LYST: variants seen among roughly 807,000 people sequenced by gnomAD.
LYST encodes the protein lysosomal trafficking regulator.
In LYST, 192 loss-of-function variants were observed where a neutral mutation model predicts 413.6. The ratio of observed to expected loss-of-function variants is 0.46; its 90% CI spans 0.41 to 0.52. The LOEUF (loss-of-function observed/expected upper bound fraction) is 0.52. Among genes scored for constraint, LYST ranks in the 20% least tolerant of loss-of-function variants. The pLI is 0.00. For synonymous variants in LYST, 1,525 were observed against 1,567.3 expected, an observed-to-expected ratio of 0.97 and a Z score of 0.64; for missense variants, 3,815 against 4,499.9, an observed-to-expected ratio of 0.85 and a Z score of 4.35.
chr1:235,803,087 G>C (rs760122503), intron 7 of LYST, 23 bp from the exon 8 acceptor site: 2 of 1,596,170 alleles, frequency 1.3e-6, no homozygotes, highest in Non-Finnish European at 1.7e-6. Context: ...GTAATTCAAA[G>C]GTTGTAACAT....
chr1:235,852,087 G>A (rs1678607063), intron 1 of LYST, among the ~76,000 whole-genome samples: 1 of 152,160 alleles, frequency 6.6e-6, no homozygotes, highest in South Asian at 2.1e-4. Context: ...GTGCATTAAG[G>A]AGCATCTGAC....
At chr1:235,693,545 G>T (rs1572011944) in intron 46 of LYST, 59 bp from the exon 47 acceptor site, 11 of 1,603,402 alleles carry the variant, frequency 6.9e-6, no homozygotes, top group Non-Finnish European at 9.4e-6. Context: ...TTACATGACA[G>T]CCCAAAACTG....
chr1:235,788,678 G>T, intron 13 of LYST, 23 bp downstream of exon 13: 2 of 1,608,550 alleles, frequency 1.2e-6, no homozygotes, highest in South Asian at 2.2e-5. Flanking sequence ...ATCTATTCAT[G>T]GGAGGCTGAG....
intron 1 of LYST, among the ~76,000 whole-genome samples, chr1:235,855,809 C>G (rs1373078634): frequency 6.6e-6 from 1 of 152,040 alleles, no homozygotes; most frequent in Non-Finnish European, 1.5e-5. Flanking sequence ...ATAGATAGCA[C>G]GTTTCCTCTT....
chr1:235,837,240 G>C (rs1222674915), intron 1 of LYST, among the ~76,000 whole-genome samples: 3 of 152,338 alleles, frequency 2.0e-5, no homozygotes. Context: ...GGAACAGCAA[G>C]TGAGGCAGGA....
At chr1:235,791,117 C>T (rs1670930877) in intron 12 of LYST, among the ~76,000 whole-genome samples, 1 of 152,096 alleles carries the variant, frequency 6.6e-6, no homozygotes, top group Non-Finnish European at 1.5e-5. Context: ...AACACCATCG[C>T]TACTAAAAAT....
At chr1:235,714,097 C>T (rs1466716597) in intron 42 of LYST, among the ~76,000 whole-genome samples, 2 of 152,082 alleles carry the variant, frequency 1.3e-5, no homozygotes, top group Non-Finnish European at 2.9e-5. Context: ...TTTTTCTTTT[C>T]ATCAAGAGCA....
intron 40 of LYST, among the ~76,000 whole-genome samples, 154 bp from the exon 41 acceptor site, chr1:235,716,932 C>T (rs1212065179): frequency 6.6e-6 from 1 of 152,184 alleles, no homozygotes; most frequent in Non-Finnish European, 1.5e-5. Context: ...CTAACAGTCA[C>T]CATTCAAAAT....
rs760333915 is a variant in LYST, at chr1:235,791,772, AG to A, written c.4469del (p.Thr1490IlefsTer8). ...TCTTTATCTTCTTTCCTTTTTCTGT[AG>A]TACTCTCAGCTTCATGGATACACTC... Reference protein sequence around the residue: ...NVECIHEAESTTEKGKKIKKR... With the variant: ...NVECIHEAESXTEKGKKIKKR... On this transcript the variant is annotated frameshift_variant, in exon 12 of 53. Transcript: ENST00000389793. LOFTEE classifies it high-confidence loss of function. 1.2e-6 allele frequency: 2 copies of A among 1,613,094 alleles called. No homozygotes were observed. Among genetic ancestry groups the A allele is most frequent in the African/African-American group, 1.3e-5 (1 of 74,990 alleles).
At chr1:235,668,847 C>A (rs568747784) in intron 50 of LYST, among the ~76,000 whole-genome samples, 10 of 152,154 alleles carry the variant, frequency 6.6e-5, no homozygotes, top group Admixed American at 2.0e-4. Flanking sequence ...ACTTGTACTA[C>A]CAAAGTCAAC....
intron 3 of LYST, among the ~76,000 whole-genome samples, chr1:235,816,699 C>A (rs1448840566): frequency 6.6e-6 from 1 of 152,142 alleles, no homozygotes; most frequent in Non-Finnish European, 1.5e-5. Flanking sequence ...CAGCACAGTA[C>A]TGGTACAAAA....
At chr1:235,788,990 A>G (rs1316941984) in intron 12 of LYST, 145 bp from the exon 13 acceptor site, 1 of 751,722 alleles carries the variant, frequency 1.3e-6, no homozygotes, top group African/African-American at 1.7e-5. Context: ...GTTCTAAACA[A>G]CCATATTTTC....
At chr1:235,874,924 G>C (rs2103233831) in intron 1 of LYST, among the ~76,000 whole-genome samples, 1 of 152,210 alleles carries the variant, frequency 6.6e-6, no homozygotes, top group East Asian at 1.9e-4. Context: ...GACAGCAAGG[G>C]TGTTCCAAGC....
intron 3 of LYST, among the ~76,000 whole-genome samples, chr1:235,818,600 A>G (rs1674420471): frequency 6.6e-6 from 1 of 152,090 alleles, no homozygotes. Flanking sequence ...ATACCTCAAC[A>G]TTTTTAAAGA....
intron 3 of LYST, among the ~76,000 whole-genome samples, chr1:235,817,848 C>A (rs1054958099): frequency 3.9e-5 from 6 of 151,956 alleles, no homozygotes; most frequent in African/African-American, 1.5e-4. Flanking sequence ...TGCAAATGCA[C>A]CCCTGAACCT....
chr1:235,728,748 G>A (rs1469028325), intron 37 of LYST, among the ~76,000 whole-genome samples: 1 of 152,180 alleles, frequency 6.6e-6, no homozygotes, highest in Non-Finnish European at 1.5e-5. Flanking sequence ...AAGTAGTGAA[G>A]TAGTGGCATG....
intron 25 of LYST, among the ~76,000 whole-genome samples, chr1:235,754,114 T>G (rs926174620): frequency 2.0e-5 from 3 of 152,054 alleles, no homozygotes; most frequent in African/African-American, 7.2e-5. Flanking sequence ...AGGTGAGGGA[T>G]TTACTCCTCT....
At chr1:235,871,586 A>AG (rs1680927341), upstream of LYST, among the ~76,000 whole-genome samples, 1 of 152,254 alleles carries the variant, frequency 6.6e-6, no homozygotes, top group African/African-American at 2.4e-5. Context: ...CAATACTAAT[A>AG]GCATGTCACA....
chr1:235,727,209 G>A (rs1195682190), intron 38 of LYST, among the ~76,000 whole-genome samples: 5 of 144,346 alleles, frequency 3.5e-5, no homozygotes, highest in African/African-American at 7.8e-5. Context: ...TGTAACCTCC[G>A]CCTCCTGGGT....
Sources: gnomAD v4.1 joint callset for allele counts (sites outside exome capture counted in the v4.1 genomes callset) on GRCh38, gnomAD v4.1.1 for gene constraint, MANE v1.5 for transcripts, NCBI Gene and HGNC (gene_info 2026-07-23, HGNC 2026-07-21) for gene names.